ADGRG6: variants seen among roughly 807,000 people sequenced by gnomAD.
ADGRG6 encodes the protein adhesion G protein-coupled receptor G6, also known as G-protein coupled receptor 126.
A neutral mutation model predicts 142.4 loss-of-function variants in ADGRG6; 84 were observed. The observed-to-expected ratio is 0.59, with a 90% CI of 0.49 to 0.71. The LOEUF is 0.71. Among genes scored for constraint, ADGRG6 ranks in the 30% least tolerant of loss-of-function variants. ADGRG6 has a pLI of 0.00. For missense variants in ADGRG6, 1,367 were observed against 1,466.6 expected, an observed-to-expected ratio of 0.93 and a Z score of 1.11; for synonymous variants, 521 against 520.5, an observed-to-expected ratio of 1.00 and a Z score of -0.01.
At position 142,414,986 on chromosome 6, in the gene ADGRG6, C is replaced by T. The variant is rs1057075972; in HGVS notation, c.2559C>T (p.Ala853=). The change falls in exon 19 of 25, where the codon GCC becomes GCT. Residue 853 remains alanine (A), a synonymous_variant. Coordinates refer to ENST00000367609, the MANE Select transcript of ADGRG6 (RefSeq NM_198569.3). Reference sequence around the variant, plus strand: ...TTATGTAGGACCTTCCAAGAAGTGCCTCACAGTTAGATGCAAGAAACACTA... The same window carrying T: ...TTATGTAGGACCTTCCAAGAAGTGCTTCACAGTTAGATGCAAGAAACACTA... The part of the protein sequence containing the change: ...FGVLMDLPRS[A]SQLDARNTKV... The T allele has an allele frequency of 6.2e-7, 1 of 1,611,160 alleles. No individual in the cohort carries two copies. Among genetic ancestry groups the T allele is most frequent in the Non-Finnish European group, 8.5e-7 (1 of 1,178,540 alleles).
chr6:142,357,607 A>G (rs1334580606), intron 2 of ADGRG6, among the ~76,000 whole-genome samples: 1 of 152,134 alleles, frequency 6.6e-6, no homozygotes. Flanking sequence ...AGTTTTTTTT[A>G]TGCCCTCAAA....
At chr6:142,352,179 G>A (rs976395187) in intron 2 of ADGRG6, among the ~76,000 whole-genome samples, 1 of 152,126 alleles carries the variant, frequency 6.6e-6, no homozygotes, top group African/African-American at 2.4e-5. Context: ...GTTCATTGCA[G>A]CACTATTCAC....
At chr6:142,403,188 C>T (rs1775622320) in intron 13 of ADGRG6, among the ~76,000 whole-genome samples, 1 of 152,078 alleles carries the variant, frequency 6.6e-6, no homozygotes. Flanking sequence ...AACTATGCCA[C>T]TGACAGCCAC....
At position 142,370,606 on chromosome 6, in the gene ADGRG6, C is replaced by T. The variant is rs1275722965; in HGVS notation, c.882C>T (p.Gly294=). ...CTGGGAATGGGAAATTGTTGTTGGGCTCCAATCAAAATGAAATTGTCTCTC... is the reference window on the plus strand; with the variant it reads ...CTGGGAATGGGAAATTGTTGTTGGGTTCCAATCAAAATGAAATTGTCTCTC... ...VIPGNGKLLL[G]SNQNEIVSLK... The change falls in exon 4 of 25, where the codon GGC becomes GGT. Residue 294 remains glycine, a synonymous_variant. Transcript: ENST00000367609. 8.7e-6 allele frequency: 14 copies of T among 1,612,772 alleles called. No individual in the cohort carries two copies. Among genetic ancestry groups the T allele is most frequent in the Non-Finnish European group, 1.2e-5 (14 of 1,178,896 alleles).
chr6:142,302,374 CT>C, intron 1 of ADGRG6, 43 bp downstream of exon 1: 1 of 1,605,022 alleles, frequency 6.2e-7, no homozygotes, highest in Non-Finnish European at 8.5e-7. Flanking sequence ...ACTCTTTTAT[CT>C]GTGTCCACCT....
chr6:142,443,926 A>G lies in ADGRG6; in HGVS notation c.*411A>G, dbSNP rs1777873527. On this transcript the variant is annotated 3_prime_UTR_variant, in exon 25 of 25. Transcript: ENST00000367609. The stretch of plus-strand genomic sequence containing the variant: ...ATTTTCTGCATCTTCTTTCTCAACA[A>G]TAAAAAATGTAACTATTTTGAATGC... 1 of 153,418 alleles carries G rather than the reference A, an allele frequency of 6.5e-6. No individual in the cohort carries two copies. Among genetic ancestry groups the G allele is most frequent in the Non-Finnish European group, 1.4e-5 (1 of 68,976 alleles). 9.5% of individuals were successfully genotyped at this position (153,418 alleles called of 1,614,324 possible). A position where few individuals can be genotyped will look rare whatever the true frequency, so the allele number is the denominator to read the frequency against.
At chr6:142,410,539 C>T (rs1776027900) in intron 17 of ADGRG6, among the ~76,000 whole-genome samples, 1 of 151,876 alleles carries the variant, frequency 6.6e-6, no homozygotes, top group Non-Finnish European at 1.5e-5. Context: ...CTGTTTGTCC[C>T]CTTGTGAGGA....
intron 14 of ADGRG6, 34 bp downstream of exon 14, chr6:142,404,007 A>G (rs758546143): frequency 2.7e-6 from 4 of 1,495,228 alleles, no homozygotes; most frequent in East Asian, 2.3e-5. Flanking sequence ...ATTTTAATTA[A>G]TTAGTTAGAC....
chr6:142,442,443 C>CT (rs1217627661), intron 24 of ADGRG6, among the ~76,000 whole-genome samples: 1 of 151,904 alleles, frequency 6.6e-6, no homozygotes, highest in Non-Finnish European at 1.5e-5. Context: ...TTTCAGAACA[C>CT]TATCTGAGCC....
intron 15 of ADGRG6, among the ~76,000 whole-genome samples, chr6:142,407,170 T>TAAAAAAAAAAA (rs11414768): frequency 2.5e-5 from 3 of 121,034 alleles, no homozygotes; most frequent in African/African-American, 9.7e-5. Flanking sequence ...CCCGTCTCTT[T>TAAAAAAAAAAA]AAAAAAAAAA....
Position 142,419,996 on chromosome 6 carries a change from G to A in ADGRG6, c.3211G>A (p.Val1071Ile). 3 of 1,613,530 alleles carry A rather than the reference G, an allele frequency of 1.9e-6. No homozygotes were observed. Among genetic ancestry groups the A allele is most frequent in the Non-Finnish European group, 2.5e-6 (3 of 1,179,576 alleles). ...EEVLRNLRSV[V>I]SLTFLLGMTW... ...AGTGTTAAGGAACCTGCGCAGTGTG[G>A]TTAGCTTGACCTTTCTGTTGGGCAT... Residue 1071 changes from valine to isoleucine, a missense_variant, in exon 22 of 25, where the codon GTT becomes ATT. Coordinates refer to ENST00000367609, the MANE Select transcript of ADGRG6 (RefSeq NM_198569.3).
At chr6:142,328,614 G>A (rs1459588972) in intron 2 of ADGRG6, among the ~76,000 whole-genome samples, 2 of 152,094 alleles carry the variant, frequency 1.3e-5, no homozygotes, top group Non-Finnish European at 2.9e-5. Context: ...CTTCTATTAT[G>A]TTTCAATTAT....
At chr6:142,325,463 G>A (rs1415345800) in intron 2 of ADGRG6, among the ~76,000 whole-genome samples, 1 of 152,062 alleles carries the variant, frequency 6.6e-6, no homozygotes, top group East Asian at 1.9e-4. Context: ...GAGTTGGCCT[G>A]GGATTTTAAC....
chr6:142,313,242 A>G (rs906003705), intron 2 of ADGRG6, among the ~76,000 whole-genome samples: 3 of 152,110 alleles, frequency 2.0e-5, no homozygotes, highest in Non-Finnish European at 2.9e-5. Flanking sequence ...AAATTTTGTT[A>G]GTTACTTAAC....
chr6:142,357,792 A>G lies in ADGRG6; in HGVS notation c.104-9777A>G, dbSNP rs114715652. ...ACCACATAACATGGAATAAATAGGAAGCAATAACCCTCTGGTGACCATATG... is the reference window on the plus strand; with the variant it reads ...ACCACATAACATGGAATAAATAGGAGGCAATAACCCTCTGGTGACCATATG... On this transcript the variant is annotated intron_variant, in intron 2 of 24. Transcript: ENST00000367609. Among the ~76,000 whole-genome samples, 1,056 of 152,352 alleles carry G rather than the reference A, an allele frequency of 6.9e-3. 14 individuals are homozygous for G. The highest frequency in any genetic ancestry group is 0.024 in the African/African-American group (1,016 of 41,584).
chr6:142,302,553 T>C (rs890267527), intron 1 of ADGRG6: 21 of 521,488 alleles, frequency 4.0e-5, no homozygotes, highest in Admixed American at 7.3e-5. Context: ...CTGTTTTTTT[T>C]CCCCCAGCGA....
At chr6:142,360,915 G>A (rs1189080367) in intron 2 of ADGRG6, among the ~76,000 whole-genome samples, 1 of 152,164 alleles carries the variant, frequency 6.6e-6, no homozygotes, top group African/African-American at 2.4e-5. Context: ...GCCTCCGAAA[G>A]TGTTGGGATT....
Position 142,437,421 on chromosome 6 carries a change from T to G in ADGRG6, c.3320-13T>G, listed in dbSNP as rs768849100. 5 of 1,242,224 alleles carry G rather than the reference T, an allele frequency of 4.0e-6. No individual in the cohort carries two copies. In the Admixed American group the frequency reaches 8.8e-5, roughly 22 times the overall value. The allele number at this position is 1,242,224 out of a possible 1,614,324, so 77.0% of individuals were successfully genotyped here. ...TCAGTTGGCTTAAATATTTATATTT[T>G]CTTTTGTCACAGGCTTATTTATATT... is the stretch of plus-strand genomic sequence containing the variant. On this transcript the variant is annotated splice_polypyrimidine_tract_variant and intron_variant, in intron 22 of 24. Transcript: ENST00000367609.
chr6:142,413,098 T>C (rs1582652245), intron 18 of ADGRG6, among the ~76,000 whole-genome samples: 1 of 152,126 alleles, frequency 6.6e-6, no homozygotes, highest in African/African-American at 2.4e-5. Context: ...TGTCTGTTTT[T>C]GTAATATTAA....
Sources: allele counts gnomAD v4.1 joint callset (sites outside exome capture counted in the v4.1 genomes callset), GRCh38; gene constraint gnomAD v4.1.1; transcripts MANE v1.5; gene names NCBI Gene and HGNC (gene_info 2026-07-23, HGNC 2026-07-21).